GLS: variants seen among roughly 807,000 people sequenced by gnomAD.
GLS encodes glutaminase.
Under a neutral mutation model 86.7 loss-of-function variants are expected in GLS, and 36 were observed. That is an observed-to-expected ratio of 0.42 (90% confidence interval 0.32 to 0.55). The LOEUF is 0.55. Ranked by LOEUF, GLS falls within the 20% of genes least tolerant of loss-of-function variation. The probability of loss-of-function intolerance (pLI) is 0.17; values close to 1 mark genes in which losing one functional copy is unlikely to be tolerated. For synonymous variants in GLS, 317 were observed against 305.9 expected (o/e 1.04, Z -0.38); for missense variants, 528 against 833.4 (o/e 0.63, Z 4.51).
intron 7 of GLS, among the ~76,000 whole-genome samples, chr2:190,918,535 T>C (rs913293052): frequency 1.3e-5 from 2 of 152,128 alleles, no homozygotes; most frequent in African/African-American, 4.8e-5. Flanking sequence ...ACACAAATTT[T>C]CTCCATGTTA....
Position 190,920,005 on chromosome 2 carries a change from G to T in GLS, c.1039-1019G>T, listed in dbSNP as rs1689682701. The stretch of plus-strand genomic sequence containing the variant: ...TAATCCTCTTGTAAAGAATGAACCT[G>T]GCTTTATTCAATTAAATAATTCTCT... On this transcript the variant is annotated intron_variant, in intron 7 of 17. Transcript: ENST00000320717. The surrounding 1 kb of genome is among the most constrained non-coding windows in gnomAD (Gnocchi z 4.2). The T allele has an allele frequency of 6.6e-6, 1 of 151,768 alleles. No homozygotes were observed. The highest frequency in any genetic ancestry group is 1.5e-5 in the Non-Finnish European group (1 of 67,792). The allele number at this position is 151,768 out of a possible 1,614,324, so 9.4% of individuals were successfully genotyped here.
Position 190,924,534 on chromosome 2 carries a change from T to A in GLS, c.1198-9T>A. The A allele has an allele frequency of 1.3e-6, 2 of 1,534,670 alleles. No individual in the cohort carries two copies. The highest frequency in any genetic ancestry group is 1.8e-6 in the Non-Finnish European group (2 of 1,107,760). On this transcript the variant is annotated splice_polypyrimidine_tract_variant and intron_variant, in intron 10 of 17. Coordinates refer to ENST00000320717, the MANE Select transcript of GLS (RefSeq NM_014905.5). This position sits in a 1 kb window ranked among gnomAD's most constrained non-coding sequence, Gnocchi z 5.2. ...CCTGAATTTTTAATTGCCTTTCTGG[T>A]TTTTTTAGTGTTTTCCAGAAGGCAC...
intron 14 of GLS, among the ~76,000 whole-genome samples, chr2:190,946,772 T>A (rs1690585952): frequency 1.3e-5 from 2 of 152,144 alleles, no homozygotes; most frequent in African/African-American, 4.8e-5. Context: ...CTTTTATGGA[T>A]TAGAGCTAAA....
At chr2:190,958,858 A>G (rs1365025397) in intron 17 of GLS, among the ~76,000 whole-genome samples, 2 of 152,168 alleles carry the variant, frequency 1.3e-5, no homozygotes, top group African/African-American at 4.8e-5. Context: ...CAATTTTAGA[A>G]TAAGTGCGAT....
chr2:190,889,560 A>G (rs1192851710), intron 1 of GLS, among the ~76,000 whole-genome samples: 1 of 152,252 alleles, frequency 6.6e-6, no homozygotes, highest in Non-Finnish European at 1.5e-5. Context: ...GACAGAATTC[A>G]TATAGTATCT....
Position 190,957,562 on chromosome 2 carries a change from T to G in GLS, c.1853+2744T>G, listed in dbSNP as rs534566744. 4.0e-4 allele frequency among the ~76,000 whole-genome samples: 61 copies of G among 152,350 alleles called. No homozygotes were observed. The Middle Eastern group carries it at 0.01, about 25-fold the overall frequency. On this transcript the variant is annotated intron_variant, in intron 17 of 17. Transcript: ENST00000320717. Reference sequence around the variant, plus strand: ...CTGTGGGTTTGTCATAAATAGCTCTTATTATTTTGAGATACATTCCATCAA... The same window carrying G: ...CTGTGGGTTTGTCATAAATAGCTCTGATTATTTTGAGATACATTCCATCAA...
At chr2:190,881,568 T>G in intron 1 of GLS, 98 bp downstream of exon 1, 1 of 1,155,886 alleles carries the variant, frequency 8.7e-7, no homozygotes, top group South Asian at 1.5e-5. Flanking sequence ...GAGCCGAGGG[T>G]CTAGAAAAGA....
intron 9 of GLS, among the ~76,000 whole-genome samples, chr2:190,922,398 C>A (rs1288262265): frequency 1.3e-5 from 2 of 152,102 alleles, no homozygotes; most frequent in Non-Finnish European, 1.5e-5. Flanking sequence ...GCATGGCTTC[C>A]CAACATTAAT....
intron 14 of GLS, chr2:190,933,224 C>T: frequency 2.3e-6 from 2 of 874,438 alleles, no homozygotes; most frequent in Non-Finnish European, 2.7e-6. Context: ...AAATTAAACT[C>T]ATAAGTTTTG....
chr2:190,932,317 G>C (rs1407189729), intron 14 of GLS, among the ~76,000 whole-genome samples: 1 of 151,742 alleles, frequency 6.6e-6, no homozygotes, highest in Non-Finnish European at 1.5e-5. Context: ...GTTTTTCACT[G>C]TACCAAGGGG....
chr2:190,886,916 C>CA lies in GLS; in HGVS notation c.386+5463dup, dbSNP rs11299475. ...GGGTGACAGAGCGAGACTCTTGTCT[C>CA]AAAAAAAAAAAAAAAAAGAAAGTAA... On this transcript the variant is annotated intron_variant, in intron 1 of 17. Coordinates refer to ENST00000320717, the MANE Select transcript of GLS (RefSeq NM_014905.5). Among the ~76,000 whole-genome samples, 32 of 118,364 alleles carry CA rather than the reference C, an allele frequency of 2.7e-4. No homozygotes were observed. In the South Asian group the frequency reaches 3.6e-3, roughly 13 times the overall value. The allele number at this position is 118,364 out of a possible 152,430, so 77.7% of individuals were successfully genotyped here.
In GLS at chr2:190,921,298, C is replaced by A; in HGVS notation, c.1130+95C>A. ...TTCATTGGAGGGAAATGAATGATTT[C>A]TAAATTACCTGACAGAAACACTTAA... On this transcript the variant is annotated intron_variant, in intron 9 of 17. Transcript: ENST00000320717. This position sits in a 1 kb window ranked among gnomAD's most constrained non-coding sequence, Gnocchi z 4.2. 2.3e-6 allele frequency: 2 copies of A among 866,814 alleles called. No individual in the cohort carries two copies. The highest frequency in any genetic ancestry group is 1.9e-6 in the Non-Finnish European group (1 of 518,086). The allele number at this position is 866,814 out of a possible 1,614,324, so 53.7% of individuals were successfully genotyped here. A position where few individuals can be genotyped will look rare whatever the true frequency, so the allele number is the denominator to read the frequency against.
At position 190,953,637 on chromosome 2, in the gene GLS, A is replaced by T. The variant is rs1030075103; in HGVS notation, c.1712+11A>T. 6.8e-5 allele frequency: 106 copies of T among 1,563,770 alleles called. No individual in the cohort carries two copies. The highest frequency in any genetic ancestry group is 9.0e-5 in the Non-Finnish European group (102 of 1,134,364). On this transcript the variant is annotated intron_variant, in intron 15 of 17. Transcript: ENST00000320717. The surrounding 1 kb of genome is among the most constrained non-coding windows in gnomAD (Gnocchi z 4.0). ...GTCTGCACTTCGAAGGTATGTTTAC[A>T]GGATGGATTAGCATGCACTTTACAG...
In GLS at chr2:190,953,346, CTTATCT is replaced by C. The variant is rs1454926646; in HGVS notation, c.1651-214_1651-209del. 6.6e-6 allele frequency among the ~76,000 whole-genome samples: 1 copy of C among 152,098 alleles called. No homozygotes were observed. The highest frequency in any genetic ancestry group is 1.5e-5 in the Non-Finnish European group (1 of 68,014). On this transcript the variant is annotated intron_variant, in intron 14 of 17. Transcript: ENST00000320717. This position sits in a 1 kb window ranked among gnomAD's most constrained non-coding sequence, Gnocchi z 4.0. ...TTATTCCATTCCTTCCCTTGTGTATCTTATCTTTATTATTGAATTTTCCCTCACAAT... is the reference window on the plus strand; with the variant it reads ...TTATTCCATTCCTTCCCTTGTGTATCTTATTATTGAATTTTCCCTCACAAT...
intron 1 of GLS, among the ~76,000 whole-genome samples, chr2:190,888,314 T>A (rs1047834776): frequency 3.9e-5 from 6 of 152,176 alleles, no homozygotes; most frequent in African/African-American, 1.2e-4. Context: ...ACTGGTACCC[T>A]TAAACATCAA....
At chr2:190,940,105 A>C (rs1574612388) in intron 14 of GLS, among the ~76,000 whole-genome samples, 2 of 151,920 alleles carry the variant, frequency 1.3e-5, no homozygotes, top group Non-Finnish European at 2.9e-5. Flanking sequence ...AAAACCACAC[A>C]TGAAATGTAA....
At chr2:190,934,068 TC>T (rs1315382813) in intron 14 of GLS, 4 of 974,880 alleles carry the variant, frequency 4.1e-6, no homozygotes, top group Non-Finnish European at 4.9e-6. Context: ...TCACACTTCT[TC>T]CTTCTTCCAT....
intron 7 of GLS, among the ~76,000 whole-genome samples, chr2:190,916,982 C>T (rs1344494575): frequency 6.6e-6 from 1 of 152,148 alleles, no homozygotes; most frequent in Non-Finnish European, 1.5e-5. Flanking sequence ...TGACTACTGA[C>T]TGATAATGGT....
chr2:190,889,272 A>AT (rs1349840758), intron 1 of GLS, among the ~76,000 whole-genome samples: 3 of 152,116 alleles, frequency 2.0e-5, no homozygotes, highest in Non-Finnish European at 2.9e-5. Context: ...TATAGAGTTA[A>AT]TTTTTTTAGA....
Sources: allele counts gnomAD v4.1 joint callset (sites outside exome capture counted in the v4.1 genomes callset), GRCh38; gene constraint gnomAD v4.1.1; non-coding constraint Gnocchi (gnomAD v3.1); transcripts MANE v1.5; gene names NCBI Gene and HGNC (gene_info 2026-07-23, HGNC 2026-07-21).